The following CHRNA7 variants were observed in gnomAD, a reference collection of about 807,000 sequenced individuals.
The protein encoded by CHRNA7 is cholinergic receptor nicotinic alpha 7 subunit, also known as neuronal acetylcholine receptor subunit alpha-7.
A neutral mutation model predicts 48.0 loss-of-function variants in CHRNA7; 17 were observed. The ratio of observed to expected loss-of-function variants is 0.35; its 90% CI spans 0.24 to 0.53. The LOEUF (loss-of-function observed/expected upper bound fraction) is 0.53, where lower values mean the gene tolerates loss of function less well. Ranked by LOEUF, CHRNA7 falls within the 20% of genes least tolerant of loss-of-function variation. The pLI is 0.92. For missense variants in CHRNA7, 155 were observed against 577.7 expected (o/e 0.27, Z 7.50); for synonymous variants, 75 against 242.3 (o/e 0.31, Z 6.41).
intron 2 of CHRNA7, among the ~76,000 whole-genome samples, chr15:32,033,900 A>G (rs779338482): frequency 8.5e-5 from 13 of 152,216 alleles, no homozygotes; most frequent in Non-Finnish European, 1.5e-4. Flanking sequence ...GGAAGACACC[A>G]TATGATGTTA....
chr15:32,063,267 A>T (rs2049909521), intron 2 of CHRNA7, among the ~76,000 whole-genome samples: 1 of 152,194 alleles, frequency 6.6e-6, no homozygotes, highest in African/African-American at 2.4e-5. Flanking sequence ...CTGTGATGTT[A>T]TGACAGCTAT....
intron 4 of CHRNA7, among the ~76,000 whole-genome samples, chr15:32,114,061 C>CACATATATATATATATATACACATAT (rs1555383701): frequency 8.3e-6 from 1 of 120,226 alleles, no homozygotes; most frequent in Non-Finnish European, 1.7e-5. Context: ...TATATATATA[C>CACATATATATATATATATACACATAT]ATATATATAT....
chr15:32,046,884 A>T (rs993227306), intron 2 of CHRNA7, among the ~76,000 whole-genome samples: 1 of 151,962 alleles, frequency 6.6e-6, no homozygotes, highest in Non-Finnish European at 1.5e-5. Flanking sequence ...AGCTTTCTAC[A>T]CATGGCTAGC....
At chr15:32,073,405 T>A (rs1364398994) in intron 2 of CHRNA7, among the ~76,000 whole-genome samples, 1 of 152,204 alleles carries the variant, frequency 6.6e-6, no homozygotes, top group East Asian at 1.9e-4. Flanking sequence ...GGCTCATAGG[T>A]CAAAGAAATT....
At chr15:32,082,499 T>C (rs2050232556) in intron 2 of CHRNA7, among the ~76,000 whole-genome samples, 1 of 152,188 alleles carries the variant, frequency 6.6e-6, no homozygotes, top group African/African-American at 2.4e-5. Context: ...AGAGAACAAC[T>C]CAGCATGAAA....
intron 2 of CHRNA7, among the ~76,000 whole-genome samples, chr15:32,071,076 A>T (rs2050050873): frequency 6.6e-6 from 1 of 152,196 alleles, no homozygotes; most frequent in African/African-American, 2.4e-5. Context: ...GCTTTTGCAC[A>T]TCTGTCATAA....
chr15:32,095,966 C>A (rs2050462207), intron 2 of CHRNA7, among the ~76,000 whole-genome samples: 1 of 152,172 alleles, frequency 6.6e-6, no homozygotes. Context: ...GCTGTGTGAC[C>A]TAGGGCCAGG....
At chr15:32,069,564 T>A (rs1248049822) in intron 2 of CHRNA7, among the ~76,000 whole-genome samples, 1 of 152,164 alleles carries the variant, frequency 6.6e-6, no homozygotes, top group Non-Finnish European at 1.5e-5. Context: ...GGAGGATCAC[T>A]TGAGCACAGG....
intron 2 of CHRNA7, among the ~76,000 whole-genome samples, chr15:32,036,929 A>G (rs1306452138): frequency 6.6e-6 from 1 of 152,044 alleles, no homozygotes; most frequent in East Asian, 1.9e-4. Flanking sequence ...TACATTTTTA[A>G]CTTTAGTGAA....
chr15:32,054,393 TAA>T (rs544612774), intron 2 of CHRNA7, among the ~76,000 whole-genome samples: 41,902 of 151,952 alleles, frequency 0.28, 7,242 homozygotes, highest in East Asian at 0.6. Flanking sequence ...CACACTGTGT[TAA>T]AGGTCTCTCG....
At position 32,111,919 on chromosome 15, in the gene CHRNA7, G is replaced by GA. The variant is rs759731321; in HGVS notation, c.350+27dup. The GA allele has an allele frequency of 3.2e-5, 44 of 1,382,002 alleles. No homozygotes were observed. In the Admixed American group the frequency reaches 3.7e-4, roughly 12 times the overall value. The allele number at this position is 1,382,002 out of a possible 1,614,324, so 85.6% of individuals were successfully genotyped here. ...TAACAGGTAAGCATATTGAACAAAG[G>GA]AAAAAAATGATTTTATGCTTGCATA... On this transcript the variant is annotated intron_variant, in intron 4 of 9. Coordinates refer to ENST00000306901, the MANE Select transcript of CHRNA7 (RefSeq NM_000746.6).
chr15:32,105,466 AGAGGAGGAGAGGAGGAAAG>A (rs368068926), intron 3 of CHRNA7, among the ~76,000 whole-genome samples: 6,420 of 149,500 alleles, frequency 0.043, 199 homozygotes, highest in African/African-American at 0.083. Context: ...AGGAGGAGGA[AGAGGAGGAGAGGAGGAAAG>A]GAGGAGGAGA....
At chr15:32,152,945 C>T (rs1014727332) in intron 4 of CHRNA7, among the ~76,000 whole-genome samples, 1 of 152,090 alleles carries the variant, frequency 6.6e-6, no homozygotes, top group African/African-American at 2.4e-5. Flanking sequence ...CAGTTGTTAA[C>T]TCCTGGCTGC....
intron 2 of CHRNA7, 71 bp from the exon 3 acceptor site, chr15:32,101,232 T>G (rs1368318321): frequency 1.3e-6 from 2 of 1,515,018 alleles, no homozygotes; most frequent in African/African-American, 2.8e-5. Context: ...GATCCCCATG[T>G]GAATAATTGT....
Position 32,091,399 on chromosome 15 carries a change from G to A in CHRNA7, c.196-9904G>A, listed in dbSNP as rs572046248. Among the ~76,000 whole-genome samples the A allele has an allele frequency of 1.3e-4, 20 of 151,964 alleles. No individual in the cohort carries two copies. In the South Asian group the frequency reaches 1.5e-3, roughly 11 times the overall value. ...TTGCTAATTTGTTTGTTCTCATTGC[G>A]TCTGTCTGGGTCCTCAAGTTTTACT... On this transcript the variant is annotated intron_variant, in intron 2 of 9. Transcript: ENST00000306901.
chr15:32,122,887 C>CAAAAAAAAAAA, intron 4 of CHRNA7, among the ~76,000 whole-genome samples: 1 of 107,912 alleles, frequency 9.3e-6, no homozygotes, highest in Non-Finnish European at 1.9e-5. Flanking sequence ...GCTCTCAAAG[C>CAAAAAAAAAAA]AAAAAAAAAA....
At position 32,120,890 on chromosome 15, in the gene CHRNA7, G is replaced by A. The variant is rs1055960303; in HGVS notation, c.350+8991G>A. 1.5e-4 allele frequency among the ~76,000 whole-genome samples: 23 copies of A among 152,280 alleles called. 2 individuals are homozygous for A. The highest frequency in any genetic ancestry group is 8.5e-4 in the Admixed American group (13 of 15,308). The stretch of plus-strand genomic sequence containing the variant: ...TAAATACATGAGACAGGAACTCAAT[G>A]GGCGGTTCAGTCTTCATCATGAGCT... On this transcript the variant is annotated intron_variant, in intron 4 of 9. Transcript: ENST00000306901.
At chr15:32,110,391 C>G (rs945554832) in intron 3 of CHRNA7, among the ~76,000 whole-genome samples, 1 of 152,238 alleles carries the variant, frequency 6.6e-6, no homozygotes, top group Non-Finnish European at 1.5e-5. Flanking sequence ...CCCCAGCAGG[C>G]AGCTGTCGAT....
At chr15:32,037,090 T>C (rs1296536593) in intron 2 of CHRNA7, among the ~76,000 whole-genome samples, 1 of 152,170 alleles carries the variant, frequency 6.6e-6, no homozygotes, top group Non-Finnish European at 1.5e-5. Flanking sequence ...GTGGTCCACT[T>C]TGAGTTAATT....
Sources: allele counts gnomAD v4.1 joint callset (sites outside exome capture counted in the v4.1 genomes callset), GRCh38; gene constraint gnomAD v4.1.1; transcripts MANE v1.5; gene names NCBI Gene and HGNC (gene_info 2026-07-23, HGNC 2026-07-21).